RYR2: variants seen among roughly 807,000 people sequenced by gnomAD.
RYR2 encodes ryanodine receptor 2, also known as cardiac muscle ryanodine receptor-calcium release channel.
In RYR2, 227 loss-of-function variants were observed where a neutral mutation model predicts 601.1. The observed-to-expected ratio is 0.38, with a 90% CI of 0.34 to 0.42. The LOEUF (loss-of-function observed/expected upper bound fraction) is 0.42. Among genes scored for constraint, RYR2 ranks in the 10% least tolerant of loss-of-function variants. RYR2 has a pLI of 1.00. For synonymous variants in RYR2, 2,223 were observed against 2,175.1 expected, an observed-to-expected ratio of 1.02 and a Z score of -0.61; for missense variants, 4,646 against 6,156.5, an observed-to-expected ratio of 0.75 and a Z score of 8.21.
At chr1:237,651,805 A>G (rs559695082) in intron 51 of RYR2, among the ~76,000 whole-genome samples, 4 of 152,324 alleles carry the variant, frequency 2.6e-5, no homozygotes, top group Admixed American at 6.5e-5. Flanking sequence ...TGGGAGGCCA[A>G]GGTGGGCGGA....
At chr1:237,723,345 C>A in intron 74 of RYR2, 83 bp downstream of exon 74, 1 of 1,055,728 alleles carries the variant, frequency 9.5e-7, no homozygotes, top group East Asian at 2.4e-5. Flanking sequence ...AATTTGTTAA[C>A]TATGACCCAA....
chr1:237,566,618 G>A lies in RYR2; in HGVS notation c.3266G>A (p.Arg1089His), dbSNP rs552564367. Residue 1089 changes from arginine (R) to histidine (H), a missense_variant, in exon 28 of 105, where the codon CGT (arginine) becomes CAT (histidine). Arg to His is a conservative substitution (Grantham distance 29). Coordinates refer to ENST00000366574, the MANE Select transcript of RYR2 (RefSeq NM_001035.3). ...SGTGERFRIF[R>H]AEKTYAVKAG... ...ACCGGGGAAAGGTTCCGAATCTTCC[G>A]TGCCGAGAAGACCTATGCAGTGAAG... is the stretch of plus-strand genomic sequence containing the variant. The A allele has an allele frequency of 1.1e-5, 18 of 1,613,944 alleles. No individual in the cohort carries two copies. Among genetic ancestry groups the A allele is most frequent in the African/African-American group, 2.7e-5 (2 of 75,024 alleles).
intron 1 of RYR2, among the ~76,000 whole-genome samples, chr1:237,199,204 A>G (rs1680904319): frequency 6.6e-6 from 1 of 152,198 alleles, no homozygotes; most frequent in Non-Finnish European, 1.5e-5. Flanking sequence ...GGATAGATGT[A>G]TATATGAAGG....
chr1:237,584,821 C>T lies in RYR2; in HGVS notation c.3599-4972C>T, dbSNP rs115900450. Among the ~76,000 whole-genome samples the T allele has an allele frequency of 5.5e-3, 840 of 152,000 alleles. 8 individuals are homozygous for T. Among genetic ancestry groups the T allele is most frequent in the African/African-American group, 0.02 (812 of 41,444 alleles). On this transcript the variant is annotated intron_variant, in intron 29 of 104. Coordinates refer to ENST00000366574, the MANE Select transcript of RYR2 (RefSeq NM_001035.3). ...GACCACAGGCACATGCCACCATGCCCAGCTAATTTTTAATTTTTTAAAATA... is the reference window on the plus strand; with the variant it reads ...GACCACAGGCACATGCCACCATGCCTAGCTAATTTTTAATTTTTTAAAATA...
At chr1:237,152,976 T>G (rs935366068) in intron 1 of RYR2, among the ~76,000 whole-genome samples, 2 of 152,080 alleles carry the variant, frequency 1.3e-5, no homozygotes, top group Non-Finnish European at 2.9e-5. Context: ...GAAAACCCCA[T>G]CAAAAAGTGG....
intron 8 of RYR2, among the ~76,000 whole-genome samples, chr1:237,386,058 AC>A (rs1394326688): frequency 6.6e-6 from 1 of 152,240 alleles, no homozygotes; most frequent in Non-Finnish European, 1.5e-5. Flanking sequence ...TACAGCTAAG[AC>A]TGTAAGAATG....
chr1:237,088,683 A>C (rs1666625579), intron 1 of RYR2, among the ~76,000 whole-genome samples: 1 of 152,210 alleles, frequency 6.6e-6, no homozygotes, highest in Non-Finnish European at 1.5e-5. Flanking sequence ...CATTGGTTTT[A>C]TGTTGTAGAA....
chr1:237,785,900 A>G (rs1558410351), intron 90 of RYR2, 69 bp from the exon 91 acceptor site: 3 of 1,081,378 alleles, frequency 2.8e-6, no homozygotes, highest in African/African-American at 1.6e-5. Context: ...ACATGGTCAC[A>G]TGGCTCCCTC....
intron 63 of RYR2, among the ~76,000 whole-genome samples, chr1:237,697,414 TATATC>T (rs989468084): frequency 1.8e-4 from 26 of 142,684 alleles, no homozygotes; most frequent in African/African-American, 6.4e-4. Context: ...ATTATATAAT[TATATC>T]ATATATAATT....
At chr1:237,618,544 A>G (rs1042155646) in intron 38 of RYR2, among the ~76,000 whole-genome samples, 1 of 152,218 alleles carries the variant, frequency 6.6e-6, no homozygotes, top group African/African-American at 2.4e-5. Context: ...TTGAAGCTAA[A>G]GAAGACGACA....
chr1:237,617,258 A>G (rs1352295884), intron 37 of RYR2, 28 bp from the exon 38 acceptor site: 2 of 1,563,610 alleles, frequency 1.3e-6, no homozygotes, highest in African/African-American at 2.7e-5. Context: ...TAGAAATTAA[A>G]TTTGGTGTCT....
chr1:237,487,122 C>G (rs1662765643), intron 17 of RYR2, among the ~76,000 whole-genome samples: 1 of 152,058 alleles, frequency 6.6e-6, no homozygotes. Context: ...ATTTGAGAAT[C>G]TAACCATAAG....
rs1209694153 is a variant in RYR2, at chr1:237,423,129, C to T, written c.886C>T (p.Arg296Ter). 1.2e-6 allele frequency: 2 copies of T among 1,613,640 alleles called. No individual in the cohort carries two copies. The highest frequency in any genetic ancestry group is 1.3e-5 in the African/African-American group (1 of 74,990). The change falls in exon 12 of 105, where the codon CGA (arginine) becomes TGA (stop). Residue 296 changes from arginine (R) to a stop codon, truncating the protein, a stop_gained. Transcript: ENST00000366574. LOFTEE classifies it high-confidence loss of function. ...CCACATAAGATGGGGACAGCCATTC[C>T]GACTACGCCATGTCACAACAGGAAA... ...GSHIRWGQPF[R>*]LRHVTTGKYL...
chr1:237,296,448 G>A (rs962631608), intron 2 of RYR2, among the ~76,000 whole-genome samples: 7 of 152,160 alleles, frequency 4.6e-5, no homozygotes, highest in African/African-American at 1.2e-4. Context: ...CAGAAGTTTC[G>A]TCAGATTGGA....
At chr1:237,608,268 C>T (rs925502110) in intron 35 of RYR2, among the ~76,000 whole-genome samples, 2 of 152,150 alleles carry the variant, frequency 1.3e-5, no homozygotes, top group African/African-American at 4.8e-5. Flanking sequence ...TAGTAGACGC[C>T]AAGCGAGGAT....
At chr1:237,409,493 A>G (rs1048947542) in intron 10 of RYR2, among the ~76,000 whole-genome samples, 2 of 152,152 alleles carry the variant, frequency 1.3e-5, no homozygotes, top group Non-Finnish European at 2.9e-5. Flanking sequence ...CCTTATGTAT[A>G]CAAAAGGAGA....
In RYR2 at chr1:237,180,860, A is replaced by C. The variant is rs941617429; in HGVS notation, c.49-89637A>C. On this transcript the variant is annotated intron_variant, in intron 1 of 104. Coordinates refer to ENST00000366574, the MANE Select transcript of RYR2 (RefSeq NM_001035.3). This position sits in a 1 kb window ranked among gnomAD's most constrained non-coding sequence, Gnocchi z 5.3. ...CAATATTAATAAAGTATATATTTATACTAATTAAATATATTTGATTATATA... is the reference window on the plus strand; with the variant it reads ...CAATATTAATAAAGTATATATTTATCCTAATTAAATATATTTGATTATATA... 2.0e-5 allele frequency among the ~76,000 whole-genome samples: 3 copies of C among 148,282 alleles called. No homozygotes were observed. Among genetic ancestry groups the C allele is most frequent in the Non-Finnish European group, 4.5e-5 (3 of 67,288 alleles).
chr1:237,246,145 G>C (rs1686801321), intron 1 of RYR2, among the ~76,000 whole-genome samples: 1 of 151,632 alleles, frequency 6.6e-6, no homozygotes, highest in South Asian at 2.1e-4. Flanking sequence ...GCCCGAGCTG[G>C]AGTGCGGTGG....
chr1:237,793,279 A>G (rs927523234), intron 94 of RYR2, among the ~76,000 whole-genome samples: 1 of 152,166 alleles, frequency 6.6e-6, no homozygotes, highest in African/African-American at 2.4e-5. Flanking sequence ...ATCAGTGTCT[A>G]TCTGCTATCT....
Sources: gnomAD v4.1 joint callset for allele counts (sites outside exome capture counted in the v4.1 genomes callset) on GRCh38, gnomAD v4.1.1 for gene constraint, Gnocchi (gnomAD v3.1) non-coding constraint, MANE v1.5 for transcripts, NCBI Gene and HGNC (gene_info 2026-07-23, HGNC 2026-07-21) for gene names.